USP28: variants seen among roughly 807,000 people sequenced by gnomAD.
USP28 encodes the protein ubiquitin specific peptidase 28, also known as ubiquitin carboxyl-terminal hydrolase 28.
USP28 carries 113 observed loss-of-function variants against 145.0 expected under a neutral mutation model. The ratio of observed to expected loss-of-function variants is 0.78; its 90% CI spans 0.67 to 0.91. The LOEUF is 0.91. Ranked by LOEUF, USP28 falls within the 40% of genes least tolerant of loss-of-function variation. The pLI is 0.00. For synonymous variants in USP28, 447 were observed against 450.9 expected (o/e 0.99, Z 0.11); for missense variants, 1,201 against 1,289.6 (o/e 0.93, Z 1.05).
At chr11:113,806,511 C>A (rs1400885687) in exon 19 of USP28, 2 of 1,611,482 alleles carry the variant, frequency 1.2e-6, no homozygotes, top group South Asian at 1.1e-5. Context: ...TGCTTCAGAC[C>A]CATCTCGGTC....
chr11:113,810,744 A>G (rs1277967321), intron 16 of USP28, among the ~76,000 whole-genome samples: 1 of 152,202 alleles, frequency 6.6e-6, no homozygotes, highest in Non-Finnish European at 1.5e-5. Flanking sequence ...GCACGATCTC[A>G]GCTCACTGCA....
At chr11:113,865,141 G>A (rs1948134336) in intron 1 of USP28, among the ~76,000 whole-genome samples, 1 of 152,100 alleles carries the variant, frequency 6.6e-6, no homozygotes. Context: ...GTCTGGCCAC[G>A]AAGACTTAAT....
intron 16 of USP28, 71 bp downstream of exon 16, chr11:113,812,205 T>C (rs1171757600): frequency 6.0e-6 from 7 of 1,175,012 alleles, no homozygotes; most frequent in Non-Finnish European, 8.7e-6. Flanking sequence ...TAAAAAGCAG[T>C]ACAAGACTGT....
chr11:113,850,385 T>C (rs1946324658), intron 3 of USP28, among the ~76,000 whole-genome samples: 1 of 152,160 alleles, frequency 6.6e-6, no homozygotes, highest in African/African-American at 2.4e-5. Flanking sequence ...ATGTGGTATA[T>C]ATTCAGACCA....
Position 113,841,703 on chromosome 11 carries a change from C to A in USP28, c.334G>T (p.Glu112Ter). 6.2e-7 allele frequency: 1 copy of A among 1,613,378 alleles called. No homozygotes were observed. The highest frequency in any genetic ancestry group is 8.5e-7 in the Non-Finnish European group (1 of 1,179,588). Residue 112 changes from glutamate (E) to a stop codon, truncating the protein, a stop_gained, in exon 4 of 25, where the codon GAG becomes TAG. Coordinates refer to ENST00000003302, the Ensembl canonical transcript of USP28. LOFTEE classifies it high-confidence loss of function. ...CCATCAGCTTGAATTTTGGGAGACT[C>A]CAGTAGACTCAAAGCAATGGCAGCC... is the stretch of plus-strand genomic sequence containing the variant.
chr11:113,841,682 C>T, exon 4 of USP28: 1 of 1,611,788 alleles, frequency 6.2e-7, no homozygotes, highest in South Asian at 1.1e-5. Flanking sequence ...TCTCTTCCAT[C>T]AGCTTGAATT....
chr11:113,831,858 A>C (rs371192591), intron 8 of USP28, 62 bp downstream of exon 8: 4 of 1,519,812 alleles, frequency 2.6e-6, no homozygotes, highest in South Asian at 2.3e-5. Context: ...ACTTTCCAGC[A>C]TATAATTCTC....
intron 1 of USP28, among the ~76,000 whole-genome samples, chr11:113,869,121 T>C (rs370095149): frequency 6.6e-6 from 1 of 151,740 alleles, no homozygotes. Flanking sequence ...AGAGACCCCA[T>C]TGCTAAAAAA....
At chr11:113,875,465 C>T in exon 1 of USP28, 2 of 1,238,168 alleles carry the variant, frequency 1.6e-6, no homozygotes, top group Admixed American at 3.8e-5. Flanking sequence ...CCGTCTGCCG[C>T]GCCGGCCGCG....
At chr11:113,875,328 G>A in intron 1 of USP28, 117 bp downstream of exon 1, 1 of 878,152 alleles carries the variant, frequency 1.1e-6, no homozygotes, top group Non-Finnish European at 1.4e-6. Flanking sequence ...CGCACCCCCT[G>A]TCCCGCCCGG....
At chr11:113,867,692 A>G (rs1440329900) in intron 1 of USP28, among the ~76,000 whole-genome samples, 1 of 151,836 alleles carries the variant, frequency 6.6e-6, no homozygotes. Flanking sequence ...CATGCCTGTG[A>G]ATAGCCACTG....
At chr11:113,856,257 T>G (rs1000582701) in intron 1 of USP28, among the ~76,000 whole-genome samples, 3 of 152,112 alleles carry the variant, frequency 2.0e-5, no homozygotes, top group Non-Finnish European at 4.4e-5. Context: ...TTCTAAAAGA[T>G]CAACATCAAT....
intron 3 of USP28, among the ~76,000 whole-genome samples, chr11:113,850,855 C>T (rs1415466452): frequency 6.6e-6 from 1 of 152,192 alleles, no homozygotes; most frequent in East Asian, 1.9e-4. Context: ...TGGACCTCTC[C>T]TCTGAACTGT....
chr11:113,807,752 T>G (rs967308592), intron 18 of USP28, among the ~76,000 whole-genome samples, 199 bp downstream of exon 19: 6 of 152,176 alleles, frequency 3.9e-5, no homozygotes, highest in African/African-American at 1.4e-4. Context: ...TAGATATACA[T>G]ATGCTGGGAG....
At chr11:113,809,110 A>G (rs773210162) in exon 17 of USP28, 2 of 1,614,156 alleles carry the variant, frequency 1.2e-6, no homozygotes, top group Non-Finnish European at 1.7e-6. Flanking sequence ...GGAGGACTCC[A>G]TTTGAGGGAT....
chr11:113,801,398 G>T (rs2135082155), intron 24 of USP28, 85 bp downstream of exon 25: 4 of 1,103,816 alleles, frequency 3.6e-6, no homozygotes, highest in Middle Eastern at 2.4e-4. Flanking sequence ...CCTTAAAAAG[G>T]TTTGGCAACC....
intron 3 of USP28, among the ~76,000 whole-genome samples, chr11:113,848,115 A>G (rs1398348280): frequency 6.6e-6 from 1 of 152,224 alleles, no homozygotes; most frequent in East Asian, 1.9e-4. Flanking sequence ...GGGTGAAACT[A>G]AAGGGAAAAA....
intron 24 of USP28, among the ~76,000 whole-genome samples, chr11:113,800,892 G>C (rs1365295586): frequency 6.6e-6 from 1 of 150,632 alleles, no homozygotes; most frequent in African/African-American, 2.4e-5. Flanking sequence ...GCCCAGGCTG[G>C]ATTGCACTGG....
chr11:113,836,958 T>C (rs1944631187), intron 5 of USP28, among the ~76,000 whole-genome samples: 1 of 152,170 alleles, frequency 6.6e-6, no homozygotes, highest in Non-Finnish European at 1.5e-5. Context: ...TGTGTTCCTC[T>C]ACCTGGAATG....
Sources: allele counts gnomAD v4.1 joint callset (sites outside exome capture counted in the v4.1 genomes callset), GRCh38; gene constraint gnomAD v4.1.1; transcripts MANE v1.5; gene names NCBI Gene and HGNC (gene_info 2026-07-23, HGNC 2026-07-21).